LYST: variants seen among roughly 807,000 people sequenced by gnomAD.
The protein encoded by LYST is lysosomal-trafficking regulator.
LYST carries 192 observed loss-of-function variants against 413.6 expected under a neutral mutation model. The observed-to-expected ratio is 0.46, with a 90% CI of 0.41 to 0.52. The LOEUF is 0.52. LYST is among the 20% of genes least tolerant of loss of function. The pLI is 0.00. For missense variants in LYST, 3,815 were observed against 4,499.9 expected (o/e 0.85, Z 4.35); for synonymous variants, 1,525 against 1,567.3 (o/e 0.97, Z 0.64).
chr1:235,812,123 A>G (rs138777800), intron 4 of LYST, among the ~76,000 whole-genome samples: 1 of 152,300 alleles, frequency 6.6e-6, no homozygotes, highest in African/African-American at 2.4e-5. Context: ...TACTTTATAG[A>G]CATATGATTT....
intron 1 of LYST, among the ~76,000 whole-genome samples, chr1:235,844,692 C>A (rs1677589110): frequency 6.6e-6 from 1 of 150,862 alleles, no homozygotes; most frequent in South Asian, 2.1e-4. Flanking sequence ...AAACCTCTCT[C>A]TACAAACTTT....
intron 39 of LYST, among the ~76,000 whole-genome samples, chr1:235,722,864 T>A (rs1338184206): frequency 1.3e-5 from 2 of 152,216 alleles, no homozygotes; most frequent in South Asian, 2.1e-4. Context: ...AAAATAATCA[T>A]CATATAACCA....
At chr1:235,715,453 C>A in intron 41 of LYST, 96 bp from the exon 42 acceptor site, 1 of 1,175,788 alleles carries the variant, frequency 8.5e-7, no homozygotes, top group South Asian at 1.3e-5. Context: ...TTCTCTACTA[C>A]CCCTTTGAGG....
intron 28 of LYST, 91 bp downstream of exon 28, chr1:235,751,119 G>T: frequency 2.4e-6 from 3 of 1,267,238 alleles, no homozygotes; most frequent in South Asian, 1.2e-5. Context: ...TGTAAAACAA[G>T]AAATATTTTA....
Position 235,810,122 on chromosome 1 carries a change from C to T in LYST, c.696G>A (p.Gly232=). ...ENSREIIPRQ[G]SNTDILSEPA... is the part of the protein sequence containing the mutation. ...GCTCACTTAAAATGTCAGTGTTTGA[C>T]CCCTGTCTTGGAATAATCTCTCTGG... The change falls in exon 5 of 53, where the codon GGG becomes GGA. Residue 232 remains glycine, a synonymous_variant. Transcript: ENST00000389793. The T allele has an allele frequency of 6.2e-7, 1 of 1,614,136 alleles. No homozygotes were observed. Among genetic ancestry groups the T allele is most frequent in the Non-Finnish European group, 8.5e-7 (1 of 1,180,006 alleles).
chr1:235,695,975 G>A (rs905274658), intron 46 of LYST, among the ~76,000 whole-genome samples: 2 of 152,082 alleles, frequency 1.3e-5, no homozygotes, highest in African/African-American at 4.8e-5. Flanking sequence ...ATTCACACAT[G>A]TTGGTACTTT....
intron 31 of LYST, among the ~76,000 whole-genome samples, chr1:235,740,492 C>T (rs1377558188): frequency 6.6e-6 from 1 of 152,014 alleles, no homozygotes; most frequent in Non-Finnish European, 1.5e-5. Flanking sequence ...TTGCTTGTTC[C>T]TTCAGATGAA....
intron 31 of LYST, chr1:235,736,794 AAT>A (rs1236448205): frequency 1.3e-5 from 2 of 152,160 alleles, no homozygotes; most frequent in Non-Finnish European, 2.9e-5. Flanking sequence ...TAGGGGACAG[AAT>A]ATTTACATGT....
At chr1:235,731,821 G>A (rs995631882) in intron 34 of LYST, among the ~76,000 whole-genome samples, 1 of 152,080 alleles carries the variant, frequency 6.6e-6, no homozygotes. Flanking sequence ...GCCTCCCAAA[G>A]TGTTGGGATT....
At position 235,802,942 on chromosome 1, in the gene LYST, T is replaced by C; in HGVS notation, c.3678A>G (p.Glu1226=). 6.2e-7 allele frequency: 1 copy of C among 1,613,662 alleles called. No homozygotes were observed. The highest frequency in any genetic ancestry group is 8.5e-7 in the Non-Finnish European group (1 of 1,179,824). ...GGGTTTCGCCATCTTCAGGATTGCT[T>C]TCACTATCTGCTTCGTAACCTTCTT... ...VEEEGYEADS[E]SNPEDGETQD... Residue 1226 remains glutamate, a synonymous_variant, in exon 8 of 53, where the codon GAA becomes GAG. Transcript: ENST00000389793.
At chr1:235,815,009 C>A (rs957302611) in intron 3 of LYST, among the ~76,000 whole-genome samples, 6 of 152,168 alleles carry the variant, frequency 3.9e-5, no homozygotes, top group African/African-American at 1.4e-4. Flanking sequence ...TCCCATCTGC[C>A]AAACTGCAAC....
intron 50 of LYST, among the ~76,000 whole-genome samples, chr1:235,670,043 T>C (rs1658805156): frequency 6.6e-6 from 1 of 152,220 alleles, no homozygotes; most frequent in African/African-American, 2.4e-5. Context: ...TCCCTTGGTC[T>C]TTCTTGCTCT....
chr1:235,841,570 C>T (rs930393612), intron 1 of LYST, among the ~76,000 whole-genome samples: 9 of 152,132 alleles, frequency 5.9e-5, no homozygotes, highest in African/African-American at 2.2e-4. Context: ...ACTTTACTAG[C>T]ATACCACTGC....
rs34423788 is a variant in LYST, at chr1:235,759,265, T to C, written c.6588A>G (p.Gly2196=). 2.0e-4 allele frequency: 316 copies of C among 1,614,142 alleles called. No individual in the cohort carries two copies. In the African/African-American group the frequency reaches 3.1e-3, roughly 16 times the overall value. The change falls in exon 23 of 53, where the codon GGA becomes GGG. Residue 2196 remains glycine, a synonymous_variant. Transcript: ENST00000389793. ...TATGATCTGCTTTGACCACTGGAAA[T>C]CCCAGCACTCCCTTTGGGACATCAC... ...SVSDVPKGVL[G]FPVVKADHKQ...
At chr1:235,706,420 C>T (rs1431437392) in intron 44 of LYST, among the ~76,000 whole-genome samples, 1 of 152,208 alleles carries the variant, frequency 6.6e-6, no homozygotes, top group Admixed American at 6.5e-5. Flanking sequence ...TTAGCTCCTA[C>T]TCCTTTGTCC....
Position 235,693,455 on chromosome 1 carries a change from C to T in LYST, c.10596G>A (p.Gln3532=). The change falls in exon 47 of 53, where the codon CAG becomes CAA. Residue 3532 remains glutamine, a synonymous_variant. Transcript: ENST00000389793. ...ATCCCCAGCTCAGGATGGCTGACCA[C>T]TGAATGTCCGTACTGTTCATGCTTC... ...GVRSMNSTDI[Q]WSAILSWGYA... is the part of the protein sequence containing the mutation. 1.2e-6 allele frequency: 2 copies of T among 1,613,866 alleles called. No individual in the cohort carries two copies. Among genetic ancestry groups the T allele is most frequent in the Non-Finnish European group, 1.7e-6 (2 of 1,179,732 alleles).
At chr1:235,775,930 A>C (rs535100814) in intron 17 of LYST, among the ~76,000 whole-genome samples, 54 of 152,288 alleles carry the variant, frequency 3.5e-4, no homozygotes, top group African/African-American at 1.2e-3. Context: ...AAGGTTTATA[A>C]GTTTTAGACT....
intron 18 of LYST, among the ~76,000 whole-genome samples, chr1:235,774,439 A>T (rs1669024228): frequency 6.6e-6 from 1 of 152,216 alleles, no homozygotes; most frequent in African/African-American, 2.4e-5. Flanking sequence ...AAATGCTTTC[A>T]TCTAGAAATG....
rs1326782637 is a variant in LYST at position 235,809,817 on chromosome 1, A to C, written c.1001T>G (p.Leu334Arg). ...TGCAGTACTAACATCTACTGACAGAAGATGCAACACTGTTCGAAAGAGCAT... is the reference window on the plus strand; with the variant it reads ...TGCAGTACTAACATCTACTGACAGACGATGCAACACTGTTCGAAAGAGCAT... ...QRMLFRTVLH[L>R]LSVDVSTAEM... is the part of the protein sequence containing the mutation. Residue 334 changes from leucine to arginine, a missense_variant, in exon 5 of 53, where the codon CTT becomes CGT. Leu to Arg is a moderately radical substitution (Grantham distance 102). Transcript: ENST00000389793. This position sits in a 1 kb window ranked among gnomAD's most constrained non-coding sequence, Gnocchi z 4.0. 15 of 1,614,052 alleles carry C rather than the reference A, an allele frequency of 9.3e-6. 1 individual carries two copies. The highest frequency in any genetic ancestry group is 1.2e-5 in the Non-Finnish European group (14 of 1,179,988).
Sources: gnomAD v4.1 joint callset for allele counts (sites outside exome capture counted in the v4.1 genomes callset) on GRCh38, gnomAD v4.1.1 for gene constraint, Gnocchi (gnomAD v3.1) non-coding constraint, MANE v1.5 for transcripts, NCBI Gene and HGNC (gene_info 2026-07-23, HGNC 2026-07-21) for gene names.